The following NLRP4 variants were observed in gnomAD, a reference collection of about 807,000 sequenced individuals.
NLRP4 encodes NLR family pyrin domain containing 4, also known as NACHT, LRR and PYD domains-containing protein 4.
A neutral mutation model predicts 84.7 loss-of-function variants in NLRP4; 44 were observed. The ratio of observed to expected loss-of-function variants is 0.52; its 90% CI spans 0.41 to 0.67. The LOEUF (loss-of-function observed/expected upper bound fraction) is 0.67, where lower values mean the gene tolerates loss of function less well. NLRP4 is among the 30% of genes least tolerant of loss of function. The probability of loss-of-function intolerance (pLI) is 0.00; values close to 1 mark genes in which losing one functional copy is unlikely to be tolerated. For missense variants in NLRP4, 1,260 were observed against 1,219.4 expected, an observed-to-expected ratio of 1.03 and a Z score of -0.50; for synonymous variants, 544 against 476.4, an observed-to-expected ratio of 1.14 and a Z score of -1.85.
At chr19:55,839,183 T>C (rs143746185) in intron 1 of NLRP4, among the ~76,000 whole-genome samples, 2,650 of 152,208 alleles carry the variant, frequency 0.017, 36 homozygotes, top group Non-Finnish European at 0.026. Flanking sequence ...TGTGTCCGTT[T>C]GTGTTCTTAT....
At position 55,851,996 on chromosome 19, in the gene NLRP4, C is replaced by T; in HGVS notation, c.-65-20C>T. 2.0e-6 allele frequency: 2 copies of T among 981,646 alleles called. No individual in the cohort carries two copies. Among genetic ancestry groups the T allele is most frequent in the Non-Finnish European group, 3.1e-6 (2 of 636,372 alleles). 60.8% of individuals were successfully genotyped at this position (981,646 alleles called of 1,614,324 possible). On this transcript the variant is annotated intron_variant, in intron 1 of 9. Transcript: ENST00000301295. The stretch of plus-strand genomic sequence containing the variant: ...TCCATTTATTTGTAATAACTTGGCA[C>T]TGTCCTGAATTTTCTACAGGTTTTA...
intron 5 of NLRP4, among the ~76,000 whole-genome samples, chr19:55,865,323 C>G (rs760394265): frequency 1.3e-5 from 2 of 152,196 alleles, no homozygotes; most frequent in African/African-American, 2.4e-5. Context: ...TCATCTTACT[C>G]TTTTTTATGG....
rs140488130 is a variant in NLRP4, at chr19:55,879,205, C to T, written c.2867+241C>T. The stretch of plus-strand genomic sequence containing the variant: ...TGGCCTCATTGTCTGGGGTAACACC[C>T]GAGGTTCATTGTCCCAGGGCCGTGG... On this transcript the variant is annotated intron_variant, in intron 9 of 9. Coordinates refer to ENST00000301295, the MANE Select transcript of NLRP4 (RefSeq NM_134444.5). Among the ~76,000 whole-genome samples, 423 of 152,098 alleles carry T rather than the reference C, an allele frequency of 2.8e-3. 1 individual carries two copies. Among genetic ancestry groups the T allele is most frequent in the South Asian group, 8.1e-3 (39 of 4,818 alleles).
In NLRP4 at chr19:55,877,005, A is replaced by G. The variant is rs752797231; in HGVS notation, c.2535A>G (p.Lys845=). The G allele has an allele frequency of 9.9e-6, 16 of 1,613,318 alleles. No homozygotes were observed. In the Admixed American group the frequency reaches 1.0e-4, roughly 10 times the overall value. ...CCTTACTCCTTTGCAGTTTGGTAAA[A>G]TGTTTTATCACTGCTGCTGGCTGTG... ...DCCLDSLCLV[K]CFITAAGCED... The change falls in exon 8 of 10, where the codon AAA becomes AAG. Residue 845 remains lysine (K), a synonymous_variant. Transcript: ENST00000301295.
intron 9 of NLRP4, among the ~76,000 whole-genome samples, chr19:55,880,078 A>T (rs962127754): frequency 7.2e-5 from 11 of 152,176 alleles, no homozygotes; most frequent in Admixed American, 3.9e-4. Flanking sequence ...AGATGAAGGT[A>T]ATCATAGGCA....
At chr19:55,870,716 C>G in intron 6 of NLRP4, 111 bp from the exon 7 acceptor site, 1 of 724,014 alleles carries the variant, frequency 1.4e-6, no homozygotes, top group African/African-American at 1.7e-5. Flanking sequence ...TTCATCTCAG[C>G]TGGGGAGTTT....
chr19:55,838,090 G>A (rs1374137828), intron 1 of NLRP4, among the ~76,000 whole-genome samples: 7 of 148,216 alleles, frequency 4.7e-5, no homozygotes, highest in African/African-American at 1.5e-4. Context: ...AGGCCGAGGC[G>A]GGTGGATCAC....
At position 55,881,652 on chromosome 19, in the gene NLRP4, A is replaced by G. The variant is rs2095179713; in HGVS notation, c.*65A>G. On this transcript the variant is annotated 3_prime_UTR_variant, in exon 10 of 10. Transcript: ENST00000301295. ...GACAGGGACTGGGACCGTTACTTAC[A>G]TGACACTGCACCCAGGAGATACAAA... 4 of 759,760 alleles carry G rather than the reference A, an allele frequency of 5.3e-6. No individual in the cohort carries two copies. In the Admixed American group the frequency reaches 6.4e-5, roughly 12 times the overall value. The allele number at this position is 759,760 out of a possible 1,614,324, so 47.1% of individuals were successfully genotyped here. A position where few individuals can be genotyped will look rare whatever the true frequency, so the allele number is the denominator to read the frequency against.
chr19:55,860,285 A>G (rs1984698771), intron 3 of NLRP4, among the ~76,000 whole-genome samples: 1 of 152,198 alleles, frequency 6.6e-6, no homozygotes. Flanking sequence ...GTGCCCGGCC[A>G]AATCATATAC....
chr19:55,868,381 G>A (rs1419944792), intron 6 of NLRP4, among the ~76,000 whole-genome samples: 1 of 152,124 alleles, frequency 6.6e-6, no homozygotes, highest in African/African-American at 2.4e-5. Context: ...GTAAAACACA[G>A]AAGGAAGACA....
intron 1 of NLRP4, among the ~76,000 whole-genome samples, chr19:55,840,344 ATG>A (rs762148583): frequency 0.18 from 22,081 of 119,388 alleles, 1,745 homozygotes; most frequent in Middle Eastern, 0.36. Flanking sequence ...GTGTATGTGT[ATG>A]TGTGTGTGTG....
intron 6 of NLRP4, among the ~76,000 whole-genome samples, chr19:55,868,243 G>A (rs551560630): frequency 1.3e-5 from 2 of 152,130 alleles, no homozygotes; most frequent in Non-Finnish European, 2.9e-5. Flanking sequence ...AATAGACTTG[G>A]TGGGTACTCA....
chr19:55,862,753 C>T (rs1600233832), intron 5 of NLRP4, among the ~76,000 whole-genome samples: 1 of 151,882 alleles, frequency 6.6e-6, no homozygotes, highest in Non-Finnish European at 1.5e-5. Context: ...TTATTGAGAC[C>T]ACTGATTGGG....
intron 7 of NLRP4, among the ~76,000 whole-genome samples, chr19:55,875,560 T>C (rs1277039611): frequency 1.3e-5 from 2 of 152,182 alleles, no homozygotes; most frequent in Admixed American, 6.5e-5. Flanking sequence ...TATTCAAAGA[T>C]TGAAATATTC....
chr19:55,842,028 T>G (rs986210956), intron 1 of NLRP4, among the ~76,000 whole-genome samples: 1 of 152,248 alleles, frequency 6.6e-6, no homozygotes, highest in African/African-American at 2.4e-5. Flanking sequence ...TCCATAGTGG[T>G]TCTGCTAACT....
chr19:55,866,013 A>C (rs1037015863), intron 5 of NLRP4, among the ~76,000 whole-genome samples: 2 of 151,962 alleles, frequency 1.3e-5, no homozygotes, highest in African/African-American at 4.8e-5. Context: ...CATTAAGATT[A>C]ACTTCTTTGT....
intron 1 of NLRP4, among the ~76,000 whole-genome samples, chr19:55,841,481 A>G (rs1343712570): frequency 6.6e-6 from 1 of 152,222 alleles, no homozygotes; most frequent in Non-Finnish European, 1.5e-5. Context: ...TGGCTAAATA[A>G]TATTCCATTG....
chr19:55,849,789 CAAA>C (rs1983943104), intron 1 of NLRP4, among the ~76,000 whole-genome samples: 141 of 144,892 alleles, frequency 9.7e-4, no homozygotes, highest in Middle Eastern at 7.1e-3. Context: ...GTGTAATTTC[CAAA>C]GCTGCGGTGT....
intron 1 of NLRP4, among the ~76,000 whole-genome samples, chr19:55,848,524 C>T (rs772495425): frequency 7.0e-4 from 107 of 152,300 alleles, no homozygotes; most frequent in Admixed American, 3.1e-3. Flanking sequence ...CTGCCTCAGC[C>T]TCCAGAGTAG....
Sources: allele counts gnomAD v4.1 joint callset (sites outside exome capture counted in the v4.1 genomes callset), GRCh38; gene constraint gnomAD v4.1.1; transcripts MANE v1.5; gene names NCBI Gene and HGNC (gene_info 2026-07-23, HGNC 2026-07-21).